Variants in NCAM1 observed in about 807,000 individuals in gnomAD.
The protein encoded by NCAM1 is antigen recognized by monoclonal antibody 5.1H11.
NCAM1 carries 14 observed loss-of-function variants against 109.8 expected under a neutral mutation model. That is an observed-to-expected ratio of 0.13 (90% confidence interval 0.08 to 0.20). The LOEUF is 0.20. NCAM1 is among the 10% of genes least tolerant of loss of function. The probability of loss-of-function intolerance (pLI) is 1.00; values close to 1 mark genes in which losing one functional copy is unlikely to be tolerated. For missense variants in NCAM1, 774 were observed against 1,109.9 expected, an observed-to-expected ratio of 0.70 and a Z score of 4.30; for synonymous variants, 418 against 442.9, an observed-to-expected ratio of 0.94 and a Z score of 0.70.
At position 113,271,868 on chromosome 11, in the gene NCAM1, G is replaced by A. The variant is rs377666719; in HGVS notation, c.2448G>A (p.Thr816=). Residue 816 remains threonine, a synonymous_variant, in exon 19 of 20, where the codon ACG becomes ACA. Coordinates refer to ENST00000316851, the MANE Select transcript of NCAM1 (RefSeq NM_181351.5). ...HTEPNETTPL[T]EPEKGPVEAK... Reference sequence around the variant, plus strand: ...AGCCCAACGAGACCACGCCACTGACGGAGCCCGAGTACGTGGGCTGGGAGG... The same window carrying A: ...AGCCCAACGAGACCACGCCACTGACAGAGCCCGAGTACGTGGGCTGGGAGG... 107 of 1,564,416 alleles carry A rather than the reference G, an allele frequency of 6.8e-5. 1 individual carries two copies. In the Admixed American group the frequency reaches 9.1e-4, roughly 13 times the overall value.
intron 1 of NCAM1, among the ~76,000 whole-genome samples, chr11:113,153,596 C>A (rs1400815405): frequency 6.6e-6 from 1 of 151,934 alleles, no homozygotes; most frequent in Non-Finnish European, 1.5e-5. Flanking sequence ...GGTTTTAGTG[C>A]AAAAATAGTG....
At chr11:113,190,892 C>T (rs956218909) in intron 1 of NCAM1, among the ~76,000 whole-genome samples, 1 of 152,110 alleles carries the variant, frequency 6.6e-6, no homozygotes, top group Non-Finnish European at 1.5e-5. Flanking sequence ...CAGATGACCC[C>T]TTAAGGAGAA....
rs115140419 is a variant in NCAM1, at chr11:113,192,801, C to G, written c.53-9578C>G. 1.9e-3 allele frequency among the ~76,000 whole-genome samples: 292 copies of G among 152,288 alleles called. 3 individuals carry two copies. The highest frequency in any genetic ancestry group is 6.8e-3 in the African/African-American group (282 of 41,556). On this transcript the variant is annotated intron_variant, in intron 1 of 19. Coordinates refer to ENST00000316851, the MANE Select transcript of NCAM1 (RefSeq NM_181351.5). The stretch of plus-strand genomic sequence containing the variant: ...GATTTCTGTTCCTGGTGTTTTCCTA[C>G]CTATAAAATGAACGGGTTGGAGATA...
At chr11:113,199,455 T>C (rs917928711) in intron 1 of NCAM1, among the ~76,000 whole-genome samples, 1 of 152,114 alleles carries the variant, frequency 6.6e-6, no homozygotes, top group East Asian at 1.9e-4. Flanking sequence ...GTGGAAAACA[T>C]CCAAGCATTG....
At chr11:113,152,371 C>G (rs1555102601) in intron 1 of NCAM1, among the ~76,000 whole-genome samples, 1 of 152,220 alleles carries the variant, frequency 6.6e-6, no homozygotes, top group Admixed American at 6.5e-5. Context: ...TAACAAGTGG[C>G]AACTACAACT....
At chr11:113,062,421 C>T (rs1030337347) in intron 1 of NCAM1, among the ~76,000 whole-genome samples, 1 of 152,058 alleles carries the variant, frequency 6.6e-6, no homozygotes, top group African/African-American at 2.4e-5. Flanking sequence ...ACTGAATGCC[C>T]GTGATGTTCT....
chr11:112,974,217 C>T (rs55657838), intron 1 of NCAM1, among the ~76,000 whole-genome samples: 23,636 of 152,032 alleles, frequency 0.16, 1,962 homozygotes, highest in African/African-American at 0.21. Flanking sequence ...CTTTTTCTTT[C>T]TTGATGCAAT....
rs782071747 is a variant in NCAM1, at chr11:113,207,402, T to C, written c.746+24T>C. On this transcript the variant is annotated intron_variant, in intron 6 of 19. Coordinates refer to ENST00000316851, the MANE Select transcript of NCAM1 (RefSeq NM_181351.5). ...AAGTAAGAAACTGGCTCATACCTTT[T>C]ATCATGGACTAGAGGAGAATGGGGC... 5.7e-6 allele frequency: 9 copies of C among 1,574,298 alleles called. No individual in the cohort carries two copies. The African/African-American group carries it at 1.1e-4, about 19-fold the overall frequency.
chr11:113,228,489 G>A (rs1944911529), intron 9 of NCAM1, among the ~76,000 whole-genome samples: 1 of 152,138 alleles, frequency 6.6e-6, no homozygotes, highest in African/African-American at 2.4e-5. Context: ...TCAATATAGT[G>A]AAAATGGCCA....
intron 1 of NCAM1, among the ~76,000 whole-genome samples, chr11:113,021,099 CT>C (rs1387603698): frequency 6.6e-6 from 1 of 152,132 alleles, no homozygotes; most frequent in Non-Finnish European, 1.5e-5. Context: ...TCAGCAACTG[CT>C]AACTTGTAGG....
At chr11:113,068,633 T>C (rs782601172) in intron 1 of NCAM1, among the ~76,000 whole-genome samples, 1 of 152,210 alleles carries the variant, frequency 6.6e-6, no homozygotes, top group Non-Finnish European at 1.5e-5. Flanking sequence ...TAATCCTTGC[T>C]CTATCTCTAG....
intron 1 of NCAM1, among the ~76,000 whole-genome samples, chr11:113,000,060 A>C (rs959471201): frequency 1.3e-5 from 2 of 151,872 alleles, no homozygotes; most frequent in Non-Finnish European, 2.9e-5. Flanking sequence ...TGCATCCTGG[A>C]GGTAGACCTG....
intron 1 of NCAM1, among the ~76,000 whole-genome samples, chr11:113,091,029 C>A (rs1329905268): frequency 6.6e-6 from 1 of 152,132 alleles, no homozygotes; most frequent in Non-Finnish European, 1.5e-5. Context: ...AAGTATAGAA[C>A]AGAATAATAG....
Position 113,276,236 on chromosome 11 carries a change from A to C in NCAM1, c.*849A>C, listed in dbSNP as rs1165677513. On this transcript the variant is annotated 3_prime_UTR_variant, in exon 20 of 20. Transcript: ENST00000316851. Reference sequence around the variant, plus strand: ...AGGATCATCCCACGCTTGCTTTAGCACAGGACAACTTTACAAAACATGATT... The same window carrying C: ...AGGATCATCCCACGCTTGCTTTAGCCCAGGACAACTTTACAAAACATGATT... 2 of 152,762 alleles carry C rather than the reference A, an allele frequency of 1.3e-5. No individual in the cohort carries two copies. The highest frequency in any genetic ancestry group is 3.9e-4 in the East Asian group (2 of 5,190). The allele number at this position is 152,762 out of a possible 1,614,324, so 9.5% of individuals were successfully genotyped here. A position where few individuals can be genotyped will look rare whatever the true frequency, so the allele number is the denominator to read the frequency against.
intron 1 of NCAM1, among the ~76,000 whole-genome samples, chr11:113,097,711 A>G (rs1401463343): frequency 1.3e-5 from 2 of 152,016 alleles, no homozygotes; most frequent in Non-Finnish European, 2.9e-5. Context: ...TCCTTAAAGG[A>G]CAAGATGAAT....
chr11:113,231,258 C>T lies in NCAM1; in HGVS notation c.1090-387C>T, dbSNP rs782647733. The stretch of plus-strand genomic sequence containing the variant: ...AAGGACAGGCTGGCAGTGCAGGTTT[C>T]CCAGGATCTCATGAGGTAGGGCTGC... On this transcript the variant is annotated intron_variant, in intron 9 of 19. Transcript: ENST00000316851. 3.9e-6 allele frequency: 6 copies of T among 1,536,058 alleles called. No individual in the cohort carries two copies. In the South Asian group the frequency reaches 7.1e-5, roughly 18 times the overall value.
intron 1 of NCAM1, among the ~76,000 whole-genome samples, chr11:113,132,604 ATGTGTGTG>A (rs71060290): frequency 2.4e-3 from 318 of 130,402 alleles, no homozygotes; most frequent in East Asian, 6.3e-3. Flanking sequence ...ATTAGGAAGC[ATGTGTGTG>A]TGTGTGTGTG....
At chr11:112,992,907 A>G (rs1555070794) in intron 1 of NCAM1, among the ~76,000 whole-genome samples, 1 of 152,196 alleles carries the variant, frequency 6.6e-6, no homozygotes, top group East Asian at 1.9e-4. Context: ...GTAAATTTAT[A>G]CTATTACCTG....
chr11:113,071,187 T>A (rs536684816), intron 1 of NCAM1, among the ~76,000 whole-genome samples: 94 of 152,142 alleles, frequency 6.2e-4, no homozygotes, highest in Non-Finnish European at 1.1e-3. Context: ...AATAGATGAA[T>A]GAAAAAGAGC....
Sources: allele counts gnomAD v4.1 joint callset (sites outside exome capture counted in the v4.1 genomes callset), GRCh38; gene constraint gnomAD v4.1.1; transcripts MANE v1.5; gene names NCBI Gene and HGNC (gene_info 2026-07-23, HGNC 2026-07-21).